SOBP: variants seen among roughly 807,000 people sequenced by gnomAD.
The protein encoded by SOBP is sine oculis-binding protein homolog.
SOBP carries 4 observed loss-of-function variants against 53.6 expected under a neutral mutation model. The observed-to-expected ratio is 0.07, with a 90% CI of 0.04 to 0.17. The LOEUF (loss-of-function observed/expected upper bound fraction) is 0.17, where lower values mean the gene tolerates loss of function less well. Ranked by LOEUF, SOBP falls within the 10% of genes least tolerant of loss-of-function variation. The pLI, the probability that SOBP is intolerant of heterozygous loss-of-function variation, is 1.00. For synonymous variants in SOBP, 584 were observed against 522.6 expected (o/e 1.12, Z -1.60); for missense variants, 1,088 against 1,204.7 (o/e 0.90, Z 1.43).
chr6:107,569,819 C>G (rs918821780), intron 4 of SOBP, among the ~76,000 whole-genome samples: 1 of 152,178 alleles, frequency 6.6e-6, no homozygotes, highest in South Asian at 2.1e-4. Flanking sequence ...ATGCCCTGTG[C>G]GTAATGCAGC....
chr6:107,572,986 G>C (rs892679364), intron 4 of SOBP, among the ~76,000 whole-genome samples: 2 of 152,170 alleles, frequency 1.3e-5, no homozygotes, highest in African/African-American at 4.8e-5. Flanking sequence ...GCTCACGCGG[G>C]AGCCCCTTGG....
intron 5 of SOBP, among the ~76,000 whole-genome samples, chr6:107,607,080 G>A (rs972720017): frequency 1.3e-5 from 2 of 152,190 alleles, no homozygotes; most frequent in Admixed American, 6.5e-5. Context: ...TCCCAGGGAC[G>A]TGCTCTGGGT....
chr6:107,607,653 A>G (rs967981509), intron 5 of SOBP, among the ~76,000 whole-genome samples: 1 of 152,234 alleles, frequency 6.6e-6, no homozygotes, highest in Admixed American at 6.5e-5. Context: ...TGTGTAGTTC[A>G]GCAGCCTTTT....
chr6:107,600,088 A>T (rs1786122009), intron 5 of SOBP, among the ~76,000 whole-genome samples: 2 of 152,160 alleles, frequency 1.3e-5, no homozygotes, highest in African/African-American at 4.8e-5. Context: ...AGAAATTGAG[A>T]CCTAATGTCT....
intron 4 of SOBP, among the ~76,000 whole-genome samples, chr6:107,543,868 G>T (rs1037709380): frequency 5.3e-5 from 8 of 152,158 alleles, no homozygotes; most frequent in Admixed American, 6.5e-5. Flanking sequence ...TAGAACATTG[G>T]CTCTAGTATC....
At chr6:107,610,099 G>T (rs1786535186) in intron 5 of SOBP, among the ~76,000 whole-genome samples, 2 of 152,238 alleles carry the variant, frequency 1.3e-5, no homozygotes, top group African/African-American at 4.8e-5. Flanking sequence ...TGTAAACTCT[G>T]GGGAAAACAG....
chr6:107,578,482 G>A (rs571311261), intron 4 of SOBP, among the ~76,000 whole-genome samples: 91 of 152,266 alleles, frequency 6.0e-4, no homozygotes, highest in Non-Finnish European at 1.2e-3. Context: ...CAGACTGCCT[G>A]GGTTTGAATC....
chr6:107,504,068 A>G (rs188353242), intron 2 of SOBP, among the ~76,000 whole-genome samples: 4 of 152,378 alleles, frequency 2.6e-5, no homozygotes, highest in East Asian at 3.9e-4. Context: ...TCCTGCATAC[A>G]GATTTAAAGA....
At chr6:107,520,002 G>A (rs1207930684) in intron 3 of SOBP, among the ~76,000 whole-genome samples, 1 of 152,142 alleles carries the variant, frequency 6.6e-6, no homozygotes, top group African/African-American at 2.4e-5. Context: ...AGAATTTTAT[G>A]AACATTTGTC....
At chr6:107,608,118 C>T (rs1786457617) in intron 5 of SOBP, among the ~76,000 whole-genome samples, 1 of 152,184 alleles carries the variant, frequency 6.6e-6, no homozygotes, top group Non-Finnish European at 1.5e-5. Context: ...GGATAGATAA[C>T]CAACGAGGAG....
At chr6:107,562,030 CT>C (rs1213715418) in intron 4 of SOBP, among the ~76,000 whole-genome samples, 7,131 of 130,550 alleles carry the variant, frequency 0.055, 272 homozygotes, top group African/African-American at 0.14. Context: ...CTCCCTGGTT[CT>C]TTTTTTTTTT....
At chr6:107,500,217 C>A (rs1782801663) in intron 1 of SOBP, among the ~76,000 whole-genome samples, 1 of 151,776 alleles carries the variant, frequency 6.6e-6, no homozygotes, top group Admixed American at 6.6e-5. Context: ...CATGGTGAGC[C>A]CCGTCTCTAC....
At chr6:107,515,604 C>T (rs1412624152) in intron 3 of SOBP, among the ~76,000 whole-genome samples, 2 of 152,054 alleles carry the variant, frequency 1.3e-5, no homozygotes, top group Admixed American at 6.6e-5. Context: ...CTAAAATAAG[C>T]TGGGCATGGT....
rs755074268 is a variant in SOBP, at chr6:107,634,671, G to A, written c.1827G>A (p.Ala609=). Residue 609 remains alanine, a synonymous_variant, in exon 6 of 7, where the codon GCG becomes GCA. Transcript: ENST00000317357. This position sits in a 1 kb window ranked among gnomAD's most constrained non-coding sequence, Gnocchi z 4.5. Reference sequence around the variant, plus strand: ...GCTCGGGCCAGGCCCTGAGCCTGGCGCCCACGCCCGCCGAGCATGGCCGGA... The same window carrying A: ...GCTCGGGCCAGGCCCTGAGCCTGGCACCCACGCCCGCCGAGCATGGCCGGA... ...PGCSGQALSL[A]PTPAEHGRSE... is the part of the protein sequence containing the mutation. The A allele has an allele frequency of 3.9e-6, 6 of 1,534,780 alleles. No homozygotes were observed. Among genetic ancestry groups the A allele is most frequent in the Non-Finnish European group, 4.4e-6 (5 of 1,146,586 alleles).
chr6:107,498,529 T>C (rs1230583182), intron 1 of SOBP, among the ~76,000 whole-genome samples: 2 of 152,176 alleles, frequency 1.3e-5, no homozygotes, highest in Non-Finnish European at 2.9e-5. Context: ...TCTTTATTAT[T>C]TACCTGGTAA....
intron 4 of SOBP, among the ~76,000 whole-genome samples, chr6:107,535,524 G>C (rs914733791): frequency 6.6e-6 from 1 of 151,878 alleles, no homozygotes; most frequent in African/African-American, 2.4e-5. Context: ...GCTGATCCCA[G>C]TTGTCTGTTA....
At chr6:107,504,457 G>A (rs2114946289) in intron 2 of SOBP, among the ~76,000 whole-genome samples, 1 of 152,312 alleles carries the variant, frequency 6.6e-6, no homozygotes, top group South Asian at 2.1e-4. Context: ...GTGGGTAACA[G>A]TGCCAGATAT....
At chr6:107,615,022 T>C (rs1786735152) in intron 5 of SOBP, among the ~76,000 whole-genome samples, 1 of 152,210 alleles carries the variant, frequency 6.6e-6, no homozygotes, top group Non-Finnish European at 1.5e-5. Flanking sequence ...CGTCTCTCTT[T>C]TTATGCTGAT....
chr6:107,593,282 C>T (rs964708360), intron 5 of SOBP, among the ~76,000 whole-genome samples: 1 of 152,198 alleles, frequency 6.6e-6, no homozygotes, highest in Non-Finnish European at 1.5e-5. Context: ...TGCTCAGCTT[C>T]TGCTCTGATA....
Sources: allele counts gnomAD v4.1 joint callset (sites outside exome capture counted in the v4.1 genomes callset), GRCh38; gene constraint gnomAD v4.1.1; non-coding constraint Gnocchi (gnomAD v3.1); transcripts MANE v1.5; gene names NCBI Gene and HGNC (gene_info 2026-07-23, HGNC 2026-07-21).